The following OLAH variants were observed in gnomAD, a reference collection of about 807,000 sequenced individuals.
OLAH encodes the protein S-acyl fatty acid synthase thioesterase, medium chain.
OLAH carries 33 observed loss-of-function variants against 27.8 expected under a neutral mutation model. The observed-to-expected ratio is 1.19, with a 90% CI of 0.90 to 1.59. The LOEUF is 1.59. Ranked by LOEUF, OLAH falls within the 40% of genes most tolerant of loss-of-function variation. The probability of loss-of-function intolerance (pLI) is 0.00; values close to 1 mark genes in which losing one functional copy is unlikely to be tolerated. For missense variants in OLAH, 359 were observed against 310.8 expected, an observed-to-expected ratio of 1.16 and a Z score of -1.17; for synonymous variants, 120 against 102.9, an observed-to-expected ratio of 1.17 and a Z score of -1.01.
chr10:15,036,139 C>T (rs1160088879), intron 1 of OLAH, among the ~76,000 whole-genome samples: 1 of 152,192 alleles, frequency 6.6e-6, no homozygotes, highest in African/African-American at 2.4e-5. Flanking sequence ...ATTGTCTTTA[C>T]ATTTAACTGT....
chr10:15,068,478 C>T (rs374409657), intron 6 of OLAH, among the ~76,000 whole-genome samples: 31 of 152,222 alleles, frequency 2.0e-4, no homozygotes, highest in Non-Finnish European at 3.1e-4. Flanking sequence ...CTGCAACCTC[C>T]GTCTCCTGGG....
Position 15,061,768 on chromosome 10 carries a change from C to T in OLAH, c.208C>T (p.Pro70Ser). ...TGGAAGAGAAAGCAGAGTTGAAGAA[C>T]CTCTTGAAAATGACATCTCCCAGTT... The part of the protein sequence containing the change: ...LPGRESRVEE[P>S]LENDISQLVD... The change falls in exon 4 of 8, where the codon CCT becomes TCT. Residue 70 changes from proline (P) to serine (S), a missense_variant. Physicochemically the swap from Pro to Ser is moderately conservative, Grantham distance 74. Transcript: ENST00000378228. 2.5e-6 allele frequency: 4 copies of T among 1,613,580 alleles called. No homozygotes were observed.
chr10:15,039,284 G>A (rs141325586), upstream of OLAH, among the ~76,000 whole-genome samples: 33 of 152,092 alleles, frequency 2.2e-4, 1 homozygote, highest in Non-Finnish European at 4.0e-4. Flanking sequence ...CTCCCTAGAA[G>A]ACTGCATGTG....
intron 1 of OLAH, among the ~76,000 whole-genome samples, chr10:15,037,299 A>C (rs1843855248): frequency 6.6e-6 from 1 of 152,008 alleles, no homozygotes; most frequent in African/African-American, 2.4e-5. Flanking sequence ...TTATCATAGA[A>C]GCCGGCTGCA....
At chr10:15,046,223 A>G (rs1324130453) in intron 1 of OLAH, among the ~76,000 whole-genome samples, 1 of 150,944 alleles carries the variant, frequency 6.6e-6, no homozygotes, top group Non-Finnish European at 1.5e-5. Flanking sequence ...GTGGGCACCT[A>G]TAATCCCAGC....
chr10:15,046,646 T>C (rs1844023825), intron 1 of OLAH, among the ~76,000 whole-genome samples: 1 of 152,026 alleles, frequency 6.6e-6, no homozygotes, highest in Admixed American at 6.6e-5. Flanking sequence ...TTTATATTTT[T>C]AGTAGAGATG....
At chr10:15,047,415 T>C (rs1388483158) in intron 2 of OLAH, 95 bp downstream of exon 2, 1 of 1,258,920 alleles carries the variant, frequency 7.9e-7, no homozygotes, top group Admixed American at 2.0e-5. Context: ...GAAAGAGGTT[T>C]CTCAGCCAGG....
intron 3 of OLAH, among the ~76,000 whole-genome samples, chr10:15,052,452 T>G (rs968121789): frequency 1.3e-5 from 2 of 152,176 alleles, no homozygotes; most frequent in Admixed American, 6.6e-5. Context: ...AAAATTTTTT[T>G]TGTAGAGACA....
upstream of OLAH, among the ~76,000 whole-genome samples, chr10:15,041,853 A>G (rs1490152478): frequency 6.6e-6 from 1 of 152,074 alleles, no homozygotes; most frequent in Admixed American, 6.6e-5. Flanking sequence ...CTGGGATTCC[A>G]GGTGTGAGCT....
At chr10:15,034,260 G>A (rs1019572480) in intron 1 of OLAH, among the ~76,000 whole-genome samples, 4 of 151,938 alleles carry the variant, frequency 2.6e-5, no homozygotes, top group Admixed American at 6.6e-5. Flanking sequence ...AGCCTTCCAA[G>A]TAGCTGGGAT....
At position 15,065,745 on chromosome 10, in the gene OLAH, A is replaced by G; in HGVS notation, c.564A>G (p.Arg188=). Residue 188 remains arginine (R), a synonymous_variant, in exon 6 of 8, where the codon AGA becomes AGG. Transcript: ENST00000378228. ...PIIRADLNIV[R]SCTSNVPSKA... The stretch of plus-strand genomic sequence containing the variant: ...TAAGGGCAGATCTGAACATTGTTAG[A>G]AGTTGCACGTAAGTAACAGAAACAA... The G allele has an allele frequency of 6.3e-7, 1 of 1,589,988 alleles. No individual in the cohort carries two copies. The highest frequency in any genetic ancestry group is 8.5e-7 in the Non-Finnish European group (1 of 1,172,966).
At chr10:15,046,298 AGAGT>A (rs1438558291) in intron 1 of OLAH, among the ~76,000 whole-genome samples, 1 of 150,688 alleles carries the variant, frequency 6.6e-6, no homozygotes, top group African/African-American at 2.4e-5. Flanking sequence ...CCTGGGCAAC[AGAGT>A]GAGACTCCGT....
At chr10:15,042,997 A>T (rs890515824), upstream of OLAH, among the ~76,000 whole-genome samples, 50 of 151,334 alleles carry the variant, frequency 3.3e-4, no homozygotes, top group African/African-American at 1.2e-3. Context: ...AGTAGCTGGG[A>T]CTACAGGCGC....
intron 2 of OLAH, among the ~76,000 whole-genome samples, chr10:15,048,913 C>T (rs1326536650): frequency 6.6e-6 from 1 of 151,708 alleles, no homozygotes; most frequent in African/African-American, 2.4e-5. Context: ...ACCAGCCTGA[C>T]CAACATGGAG....
intron 3 of OLAH, among the ~76,000 whole-genome samples, chr10:15,061,202 G>T (rs949339650): frequency 6.6e-6 from 1 of 152,062 alleles, no homozygotes; most frequent in East Asian, 1.9e-4. Flanking sequence ...CCAGAGCCAA[G>T]GCAAAATCAG....
In OLAH at chr10:15,047,330, C is replaced by G. The variant is rs377360574; in HGVS notation, c.32+10C>G. The G allele has an allele frequency of 2.5e-6, 4 of 1,613,148 alleles. 1 individual carries two copies. The highest frequency in any genetic ancestry group is 8.5e-7 in the Non-Finnish European group (1 of 1,179,586). On this transcript the variant is annotated intron_variant, in intron 2 of 7. Coordinates refer to ENST00000378228, the MANE Select transcript of OLAH (RefSeq NM_001039702.3). ...AACCTAAGAGAACCAGGCAGGCCACCCCTTGTGCCACCAGGCTCTTCCTCC... is the reference window on the plus strand; with the variant it reads ...AACCTAAGAGAACCAGGCAGGCCACGCCTTGTGCCACCAGGCTCTTCCTCC...
chr10:15,033,905 A>G (rs1389920270), intron 1 of OLAH, among the ~76,000 whole-genome samples: 1 of 152,126 alleles, frequency 6.6e-6, no homozygotes, highest in African/African-American at 2.4e-5. Flanking sequence ...AAATTTCAAC[A>G]TGAGTTTTGA....
chr10:15,062,046 T>C (rs543720702), intron 4 of OLAH, 184 bp downstream of exon 4: 1 of 512,024 alleles, frequency 2.0e-6, no homozygotes, highest in South Asian at 4.8e-5. Context: ...CCTATTTTTT[T>C]TCCTTTTAGG....
chr10:15,060,326 C>T (rs561203343), intron 3 of OLAH, among the ~76,000 whole-genome samples: 6 of 152,154 alleles, frequency 3.9e-5, no homozygotes, highest in Admixed American at 2.0e-4. Flanking sequence ...CATGCCACCA[C>T]GCCCAGCCAA....
Sources: gnomAD v4.1 joint callset for allele counts (sites outside exome capture counted in the v4.1 genomes callset) on GRCh38, gnomAD v4.1.1 for gene constraint, MANE v1.5 for transcripts, NCBI Gene and HGNC (gene_info 2026-07-23, HGNC 2026-07-21) for gene names.